The following ASCC2 variants were observed in gnomAD, a reference collection of about 807,000 sequenced individuals.
ASCC2 encodes ASC-1 complex subunit P100.
ASCC2 carries 42 observed loss-of-function variants against 93.5 expected under a neutral mutation model. The ratio of observed to expected loss-of-function variants is 0.45; its 90% CI spans 0.35 to 0.58. The LOEUF (loss-of-function observed/expected upper bound fraction) is 0.58, where lower values mean the gene tolerates loss of function less well. ASCC2 is among the 20% of genes least tolerant of loss of function. The pLI is 0.00. For missense variants in ASCC2, 859 were observed against 977.6 expected (o/e 0.88, Z 1.62); for synonymous variants, 364 against 384.2 (o/e 0.95, Z 0.62).
chr22:29,796,578 G>A (rs1388436960), intron 15 of ASCC2, among the ~76,000 whole-genome samples: 3 of 152,160 alleles, frequency 2.0e-5, no homozygotes, highest in Non-Finnish European at 4.4e-5. Flanking sequence ...GAGGGATGGT[G>A]CACTTGATTT....
At chr22:29,805,369 C>T (rs2059553830) in intron 12 of ASCC2, among the ~76,000 whole-genome samples, 1 of 152,196 alleles carries the variant, frequency 6.6e-6, no homozygotes, top group African/African-American at 2.4e-5. Flanking sequence ...GACTCCCTCA[C>T]TGCTTCTTGT....
At position 29,794,475 on chromosome 22, in the gene ASCC2, G is replaced by A. The variant is rs2058177485; in HGVS notation, c.1689-799C>T. On this transcript the variant is annotated intron_variant, in intron 15 of 19. Transcript: ENST00000307790. ...CCACTGCACTCCAGCCTGGGCGACAGTGCAAGACTCCATCTCAAAATAAAT... is the reference window on the plus strand; with the variant it reads ...CCACTGCACTCCAGCCTGGGCGACAATGCAAGACTCCATCTCAAAATAAAT... Among the ~76,000 whole-genome samples, 3 of 152,186 alleles carry A rather than the reference G, an allele frequency of 2.0e-5. No individual in the cohort carries two copies. In the South Asian group the frequency reaches 6.2e-4, roughly 32 times the overall value.
intron 12 of ASCC2, among the ~76,000 whole-genome samples, chr22:29,805,439 C>T (rs1601926921): frequency 6.6e-6 from 1 of 152,178 alleles, no homozygotes; most frequent in East Asian, 1.9e-4. Context: ...GCCCGAGCCT[C>T]ACGGTGGTCC....
intron 5 of ASCC2, among the ~76,000 whole-genome samples, chr22:29,817,173 G>A (rs145680886): frequency 5.3e-5 from 8 of 152,130 alleles, no homozygotes; most frequent in Non-Finnish European, 1.2e-4. Flanking sequence ...TTACCAGCCC[G>A]CACTTGCTCA....
intron 1 of ASCC2, chr22:29,833,734 A>C: frequency 2.5e-6 from 1 of 405,500 alleles, no homozygotes; most frequent in East Asian, 8.0e-5. Flanking sequence ...AGAGAGACAG[A>C]GGCTGGGGTG....
rs2062164889 is a variant in ASCC2 at position 29,825,378 on chromosome 22, G to A, written c.241-121C>T. ...CCTATTCCAAACACTCCGACCCCAA[G>A]GGACCAAGGAGGTATGAATGAGCCA... On this transcript the variant is annotated intron_variant, in intron 3 of 19. Transcript: ENST00000307790. The surrounding 1 kb of genome is among the most constrained non-coding windows in gnomAD (Gnocchi z 4.9). 7.6e-7 allele frequency: 1 copy of A among 1,316,498 alleles called. No homozygotes were observed. Among genetic ancestry groups the A allele is most frequent in the Non-Finnish European group, 1.0e-6 (1 of 960,664 alleles). 81.6% of individuals were successfully genotyped at this position (1,316,498 alleles called of 1,614,324 possible). A position where few individuals can be genotyped will look rare whatever the true frequency, so the allele number is the denominator to read the frequency against.
chr22:29,824,290 A>T (rs1452034343), intron 4 of ASCC2, among the ~76,000 whole-genome samples: 1 of 147,458 alleles, frequency 6.8e-6, no homozygotes, highest in South Asian at 2.2e-4. Flanking sequence ...ACACACACAC[A>T]CTCAAAGGGA....
chr22:29,802,624 C>A (rs1454504741), intron 13 of ASCC2, among the ~76,000 whole-genome samples: 1 of 151,824 alleles, frequency 6.6e-6, no homozygotes, highest in Non-Finnish European at 1.5e-5. Flanking sequence ...CACAGCAAGA[C>A]CCCATCTGTT....
At chr22:29,823,004 G>GCTACCATA (rs2061780668) in intron 4 of ASCC2, among the ~76,000 whole-genome samples, 1 of 151,334 alleles carries the variant, frequency 6.6e-6, no homozygotes, top group Non-Finnish European at 1.5e-5. Flanking sequence ...ACAGGTGTAA[G>GCTACCATA]CCACAGTGCC....
At chr22:29,832,505 C>A in intron 1 of ASCC2, 163 bp from the exon 2 acceptor site, 1 of 528,780 alleles carries the variant, frequency 1.9e-6, no homozygotes, top group Non-Finnish European at 3.3e-6. Flanking sequence ...CTAACCCAGC[C>A]AAAGTGACTT....
intron 12 of ASCC2, among the ~76,000 whole-genome samples, chr22:29,805,897 CTCTA>C (rs943787941): frequency 1.6e-4 from 25 of 152,014 alleles, no homozygotes; most frequent in South Asian, 1.0e-3. Flanking sequence ...CCACGTGACA[CTCTA>C]TCTAACTGCC....
chr22:29,802,500 A>G (rs202226742), intron 13 of ASCC2, among the ~76,000 whole-genome samples: 1 of 141,386 alleles, frequency 7.1e-6, no homozygotes, highest in Non-Finnish European at 1.6e-5. Context: ...AACAAAAAAA[A>G]AAAATAAAAA....
rs572344940 is a variant in ASCC2 at position 29,816,041 on chromosome 22, T to C, written c.574A>G (p.Ser192Gly). 1.1e-5 allele frequency: 17 copies of C among 1,599,652 alleles called. No individual in the cohort carries two copies. The highest frequency in any genetic ancestry group is 1.7e-4 in the Middle Eastern group (1 of 6,048). ...NIFTQQPSYYSDLDETLPTIL... is the reference protein window; with the variant it reads ...NIFTQQPSYYGDLDETLPTIL... Reference sequence around the variant, plus strand: ...GTAGGCAGGGTTTCATCCAGGTCACTGTAGTAACTTGGCTGCTGTGTAAAG... The same window carrying C: ...GTAGGCAGGGTTTCATCCAGGTCACCGTAGTAACTTGGCTGCTGTGTAAAG... Residue 192 changes from serine (S) to glycine (G), a missense_variant, in exon 6 of 20, where the codon AGT becomes GGT. Transcript: ENST00000307790.
intron 5 of ASCC2, among the ~76,000 whole-genome samples, chr22:29,816,304 A>C (rs1680124648): frequency 6.6e-6 from 1 of 152,142 alleles, no homozygotes; most frequent in South Asian, 2.1e-4. Context: ...AGTATGATTT[A>C]ACCTTTTAAG....
In ASCC2 at chr22:29,789,144, G is replaced by T. The variant is rs757124680; in HGVS notation, c.2143C>A (p.Arg715=). Reference sequence around the variant, plus strand: ...GTCTCGCGGCTCTGCCCATGGCCTCGGGGGCTGCCGGCCACTGCTGTTGAG... The same window carrying T: ...GTCTCGCGGCTCTGCCCATGGCCTCTGGGGCTGCCGGCCACTGCTGTTGAG... ...DSSTAVAGSP[R]GHGQSRETTQ... Residue 715 remains arginine (R), a synonymous_variant, in exon 20 of 20, where the codon CGA becomes AGA. Coordinates refer to ENST00000307790, the MANE Select transcript of ASCC2 (RefSeq NM_032204.5). 3.1e-6 allele frequency: 5 copies of T among 1,613,988 alleles called. No individual in the cohort carries two copies. In the African/African-American group the frequency reaches 6.7e-5, roughly 22 times the overall value.
chr22:29,791,260 C>T (rs1274729145), intron 18 of ASCC2, among the ~76,000 whole-genome samples: 1 of 151,840 alleles, frequency 6.6e-6, no homozygotes, highest in Non-Finnish European at 1.5e-5. Flanking sequence ...GCCCATAATC[C>T]CAGCTACTAG....
chr22:29,808,239 C>T, intron 8 of ASCC2, 54 bp from the exon 9 acceptor site: 1 of 1,560,366 alleles, frequency 6.4e-7, no homozygotes, highest in Middle Eastern at 1.7e-4. Flanking sequence ...TACCACACTT[C>T]ATAAGAACAT....
At position 29,788,863 on chromosome 22, in the gene ASCC2, G is replaced by T; in HGVS notation, c.*150C>A. The T allele has an allele frequency of 1.1e-6, 1 of 909,788 alleles. No individual in the cohort carries two copies. Among genetic ancestry groups the T allele is most frequent in the Non-Finnish European group, 1.7e-6 (1 of 591,656 alleles). The allele number at this position is 909,788 out of a possible 1,614,324, so 56.4% of individuals were successfully genotyped here. ...GGAAGGCGCTCATGGCTGGCTGGTA[G>T]ATGAGAGGCGGCCTTCTCAGGGGCT... On this transcript the variant is annotated 3_prime_UTR_variant, in exon 20 of 20. Coordinates refer to ENST00000307790, the MANE Select transcript of ASCC2 (RefSeq NM_032204.5).
At chr22:29,802,987 C>T (rs2059267015) in intron 13 of ASCC2, among the ~76,000 whole-genome samples, 1 of 151,562 alleles carries the variant, frequency 6.6e-6, no homozygotes. Flanking sequence ...GTGCTCATGC[C>T]TATAATCCCA....
Sources: gnomAD v4.1 joint callset for allele counts (sites outside exome capture counted in the v4.1 genomes callset) on GRCh38, gnomAD v4.1.1 for gene constraint, Gnocchi (gnomAD v3.1) non-coding constraint, MANE v1.5 for transcripts, NCBI Gene and HGNC (gene_info 2026-07-23, HGNC 2026-07-21) for gene names.